ADAMTS10: variants seen among roughly 807,000 people sequenced by gnomAD.
ADAMTS10 encodes the protein A disintegrin and metalloproteinase with thrombospondin motifs 10.
Under a neutral mutation model 135.9 loss-of-function variants are expected in ADAMTS10, and 48 were observed. The observed-to-expected ratio is 0.35, with a 90% CI of 0.28 to 0.45. The LOEUF (loss-of-function observed/expected upper bound fraction) is 0.45. ADAMTS10 is among the 20% of genes least tolerant of loss of function. The pLI, the probability that ADAMTS10 is intolerant of heterozygous loss-of-function variation, is 1.00. For synonymous variants in ADAMTS10, 621 were observed against 647.5 expected, an observed-to-expected ratio of 0.96 and a Z score of 0.62; for missense variants, 1,131 against 1,565.2, an observed-to-expected ratio of 0.72 and a Z score of 4.68.
chr19:8,597,344 G>A (rs369479859), intron 6 of ADAMTS10, 27 bp from the exon 7 acceptor site: 99 of 1,601,126 alleles, frequency 6.2e-5, no homozygotes, highest in Non-Finnish European at 7.7e-5. Flanking sequence ...AAGAGAGACC[G>A]AGTCTTAAGA....
chr19:8,592,592 G>C (rs2146069543), intron 13 of ADAMTS10, among the ~76,000 whole-genome samples, 171 bp downstream of exon 13: 1 of 152,206 alleles, frequency 6.6e-6, no homozygotes, highest in East Asian at 1.9e-4. Flanking sequence ...CGTGGCCAAC[G>C]CGGGAAGGAG....
intron 6 of ADAMTS10, among the ~76,000 whole-genome samples, chr19:8,597,621 A>C (rs1259884982): frequency 6.7e-6 from 1 of 148,782 alleles, no homozygotes; most frequent in Non-Finnish European, 1.5e-5. Context: ...TGAATAGGTA[A>C]TATTTGCTGT....
intron 15 of ADAMTS10, among the ~76,000 whole-genome samples, chr19:8,590,286 CT>C: frequency 6.6e-6 from 1 of 151,674 alleles, no homozygotes; most frequent in South Asian, 2.1e-4. Context: ...CATTTTTTTT[CT>C]TTTTTGAGAC....
chr19:8,593,091 C>T lies in ADAMTS10; in HGVS notation c.1480-221G>A, dbSNP rs1300325570. On this transcript the variant is annotated intron_variant, in intron 12 of 25. Transcript: ENST00000597188. Reference sequence around the variant, plus strand: ...AGCTCCATTTATGGAGCACTTTATACATGCCATATACCTCTTTAGGCAGTA... The same window carrying T: ...AGCTCCATTTATGGAGCACTTTATATATGCCATATACCTCTTTAGGCAGTA... The T allele has an allele frequency of 6.6e-6, 4 of 608,244 alleles. No homozygotes were observed. The Admixed American group carries it at 1.1e-4, about 16-fold the overall frequency. The allele number at this position is 608,244 out of a possible 1,614,324, so 37.7% of individuals were successfully genotyped here. A position where few individuals can be genotyped will look rare whatever the true frequency, so the allele number is the denominator to read the frequency against.
At position 8,590,399 on chromosome 19, in the gene ADAMTS10, G is replaced by A. The variant is rs184999011; in HGVS notation, c.1798-408C>T. Among the ~76,000 whole-genome samples, 1,290 of 151,334 alleles carry A rather than the reference G, an allele frequency of 8.5e-3. 21 individuals are homozygous for A. The highest frequency in any genetic ancestry group is 0.029 in the African/African-American group (1,179 of 41,214). On this transcript the variant is annotated intron_variant, in intron 15 of 25. Coordinates refer to ENST00000597188, the MANE Select transcript of ADAMTS10 (RefSeq NM_030957.4). The stretch of plus-strand genomic sequence containing the variant: ...AGCAATTCTTCTGCCTCAGCCTCCC[G>A]AGTAGCTGGGATTACAGGTGCATGC...
chr19:8,603,356 C>T (rs1199555800), intron 5 of ADAMTS10, among the ~76,000 whole-genome samples: 1 of 152,146 alleles, frequency 6.6e-6, no homozygotes, highest in Non-Finnish European at 1.5e-5. Context: ...CTCACTGCAA[C>T]CTCTGCCTCC....
rs782255435 is a variant in ADAMTS10, at chr19:8,586,563, C to A, written c.2398G>T (p.Val800Phe). The A allele has an allele frequency of 1.9e-6, 3 of 1,613,710 alleles. No homozygotes were observed. The Admixed American group carries it at 5.0e-5, about 27-fold the overall frequency. ...GCCCCCAGTCTCCCTGTTACCATGA[C>A]GATGAGAGATGCATTAATCGGTCCC... ...ALGPINASLI[V>F]MVLARTELPA... Residue 800 changes from valine (V) to phenylalanine (F), a missense_variant, in exon 20 of 26, where the codon GTC becomes TTC. Physicochemically the swap from Val to Phe is conservative, Grantham distance 50. Around this residue, in one of 3 missense-constraint regions of ADAMTS10, gnomAD observed 745 missense variants for 1,056.3 expected, o/e 0.71. Transcript: ENST00000597188.
chr19:8,593,938 GATACCTGTAC>G (rs2042574041), intron 12 of ADAMTS10, among the ~76,000 whole-genome samples: 1 of 152,208 alleles, frequency 6.6e-6, no homozygotes, highest in African/African-American at 2.4e-5. Flanking sequence ...GCCCCTGAGA[GATACCTGTAC>G]ATATGTAAGA....
rs1555742498 is a variant in ADAMTS10 at position 8,605,705 on chromosome 19, A to G, written c.6T>C (p.Ala2=). 1.9e-6 allele frequency: 3 copies of G among 1,608,570 alleles called. No individual in the cohort carries two copies. The highest frequency in any genetic ancestry group is 1.7e-5 in the Admixed American group (1 of 59,596). The part of the protein sequence containing the change: M[A]PACQILRWAL... ...CCCAGCGGAGGATCTGGCAGGCGGG[A>G]GCCATAGAGGCCACGTGTCCACATG... Residue 2 remains alanine, a synonymous_variant, in exon 3 of 26, where the codon GCT becomes GCC. Transcript: ENST00000597188. This position sits in a 1 kb window ranked among gnomAD's most constrained non-coding sequence, Gnocchi z 7.7.
At chr19:8,607,026 TG>T (rs1356766312) in intron 2 of ADAMTS10, among the ~76,000 whole-genome samples, 2 of 151,806 alleles carry the variant, frequency 1.3e-5, no homozygotes, top group Non-Finnish European at 2.9e-5. Context: ...GCCTGGAGGT[TG>T]GGTAGAGCCT....
At chr19:8,610,396 A>G (rs1282538893) in intron 1 of ADAMTS10, among the ~76,000 whole-genome samples, 1 of 146,602 alleles carries the variant, frequency 6.8e-6, no homozygotes, top group Non-Finnish European at 1.5e-5. Flanking sequence ...CATGTAATGC[A>G]CAACCACTCT....
In ADAMTS10 at chr19:8,586,051, AG is replaced by A. The variant is rs1233834399; in HGVS notation, c.2660+70del. The A allele has an allele frequency of 1.6e-5, 25 of 1,609,514 alleles. No homozygotes were observed. The Admixed American group carries it at 1.7e-4, about 11-fold the overall frequency. Reference sequence around the variant, plus strand: ...ACTAATCTGCTCCCCACCCCCCTGGAGCACTCGCTCTTGACTCCAGGGAGTA... The same window carrying A: ...ACTAATCTGCTCCCCACCCCCCTGGACACTCGCTCTTGACTCCAGGGAGTA... On this transcript the variant is annotated intron_variant, in intron 22 of 25. Transcript: ENST00000597188.
intron 12 of ADAMTS10, among the ~76,000 whole-genome samples, chr19:8,595,232 C>G (rs1318125013): frequency 6.6e-6 from 1 of 152,092 alleles, no homozygotes; most frequent in African/African-American, 2.4e-5. Flanking sequence ...CTCCTGCCCC[C>G]CAATGCCCTT....
In ADAMTS10 at chr19:8,595,834, C is replaced by T. The variant is rs149014496; in HGVS notation, c.1407G>A (p.Pro469=). 19 of 1,614,094 alleles carry T rather than the reference C, an allele frequency of 1.2e-5. No individual in the cohort carries two copies. Among genetic ancestry groups the T allele is most frequent in the East Asian group, 4.5e-5 (2 of 44,890 alleles). The change falls in exon 12 of 26, where the codon CCG becomes CCA. Residue 469 remains proline, a synonymous_variant. Coordinates refer to ENST00000597188, the MANE Select transcript of ADAMTS10 (RefSeq NM_030957.4). ...RQDFVYPTVA[P]GQAYDADEQC... is the part of the protein sequence containing the mutation. ...GCTCATCTGCATCGTAGGCTTGGCCCGGTGCCACTGTCGGGTACACAAAGT... is the reference window on the plus strand; with the variant it reads ...GCTCATCTGCATCGTAGGCTTGGCCTGGTGCCACTGTCGGGTACACAAAGT...
At chr19:8,583,964 C>T (rs1277723435) in intron 25 of ADAMTS10, among the ~76,000 whole-genome samples, 2 of 151,858 alleles carry the variant, frequency 1.3e-5, no homozygotes, top group Non-Finnish European at 2.9e-5. Context: ...TGAGACCAGC[C>T]TGGCCAACAT....
chr19:8,587,425 C>T (rs2042452378), intron 18 of ADAMTS10, among the ~76,000 whole-genome samples: 1 of 127,028 alleles, frequency 7.9e-6, no homozygotes, highest in South Asian at 2.6e-4. Context: ...GATCCTCTTG[C>T]CTCAGCCTCC....
chr19:8,606,367 G>A (rs781852168), intron 2 of ADAMTS10, among the ~76,000 whole-genome samples: 17 of 152,134 alleles, frequency 1.1e-4, no homozygotes, highest in African/African-American at 2.2e-4. Context: ...CCAGCCCACC[G>A]TATTTCATTT....
At chr19:8,586,049 G>C (rs1305374279) in intron 22 of ADAMTS10, 73 bp downstream of exon 22, 21 of 1,608,942 alleles carry the variant, frequency 1.3e-5, no homozygotes, top group Admixed American at 8.3e-5. Flanking sequence ...CCACCCCCCT[G>C]GAGCACTCGC....
In ADAMTS10 at chr19:8,585,152, C is replaced by G; in HGVS notation, c.3022G>C (p.Val1008Leu). The G allele has an allele frequency of 7.1e-7, 1 of 1,410,628 alleles. No homozygotes were observed. The highest frequency in any genetic ancestry group is 9.2e-7 in the Non-Finnish European group (1 of 1,087,954). 87.4% of individuals were successfully genotyped at this position (1,410,628 alleles called of 1,614,324 possible). A position where few individuals can be genotyped will look rare whatever the true frequency, so the allele number is the denominator to read the frequency against. ...CCTACCTCACCCCACTCGCCAGCCA[C>G]CCAGCGGGCCGGGGGGCAGCGGCGC... Reference protein sequence around the residue: ...NLRRCPPARWVAGEWGECSAQ... With the variant: ...NLRRCPPARWLAGEWGECSAQ... The change falls in exon 24 of 26, where the codon GTG becomes CTG. Residue 1008 changes from valine to leucine, a missense_variant. By Grantham distance (32) the Val-to-Leu change is conservative. Around this residue, in one of 3 missense-constraint regions of ADAMTS10, gnomAD observed 745 missense variants for 1,056.3 expected, o/e 0.71. Coordinates refer to ENST00000597188, the MANE Select transcript of ADAMTS10 (RefSeq NM_030957.4).
Sources: gnomAD v4.1 joint callset for allele counts (sites outside exome capture counted in the v4.1 genomes callset) on GRCh38, gnomAD v4.1.1 for gene constraint, gnomAD v4.1.1 regional missense constraint, Gnocchi (gnomAD v3.1) non-coding constraint, MANE v1.5 for transcripts, NCBI Gene and HGNC (gene_info 2026-07-23, HGNC 2026-07-21) for gene names.